NATD1: variants seen among roughly 807,000 people sequenced by gnomAD.
NATD1 encodes the protein N-acetyltransferase domain containing 1, also known as protein NATD1.
A neutral mutation model predicts 12.0 loss-of-function variants in NATD1; 9 were observed. The ratio of observed to expected loss-of-function variants is 0.75; its 90% CI spans 0.45 to 1.30. The LOEUF (loss-of-function observed/expected upper bound fraction) is 1.30, where lower values mean the gene tolerates loss of function less well. Ranked by LOEUF, NATD1 falls within the 50% of genes most tolerant of loss-of-function variation. The pLI is 0.00. For synonymous variants in NATD1, 71 were observed against 65.9 expected (o/e 1.08, Z -0.37); for missense variants, 148 against 148.5 (o/e 1.00, Z 0.02).
At chr17:21,251,213 G>T (rs543431938) in intron 1 of NATD1, among the ~76,000 whole-genome samples, 1 of 151,490 alleles carries the variant, frequency 6.6e-6, no homozygotes, top group South Asian at 2.1e-4. Flanking sequence ...TAGAAATACG[G>T]CTGGGCATGT....
intron 1 of NATD1, among the ~76,000 whole-genome samples, chr17:21,250,354 C>T (rs1975363826): frequency 6.6e-6 from 1 of 152,194 alleles, no homozygotes; most frequent in Non-Finnish European, 1.5e-5. Flanking sequence ...CAGGGAGGGG[C>T]CTTCCTAGAC....
chr17:21,251,388 G>C (rs1324527448), intron 1 of NATD1, among the ~76,000 whole-genome samples: 1 of 151,894 alleles, frequency 6.6e-6, no homozygotes, highest in Non-Finnish European at 1.5e-5. Context: ...AGGCCGCTCT[G>C]GAACCTCAGA....
rs759173703 is a variant in NATD1 at position 21,244,083 on chromosome 17, GC to G, written c.225+22del. 3.1e-6 allele frequency: 5 copies of G among 1,598,016 alleles called. No homozygotes were observed. The highest frequency in any genetic ancestry group is 4.3e-6 in the Non-Finnish European group (5 of 1,170,476). ...GCCCCCATGTCCCCGTCCCCGCTTG[GC>G]CCTGCCACCTGCCTGCCCTACCTTG... On this transcript the variant is annotated intron_variant, in intron 2 of 2. Coordinates refer to ENST00000611551, the MANE Select transcript of NATD1 (RefSeq NM_152914.3). The surrounding 1 kb of genome is among the most constrained non-coding windows in gnomAD (Gnocchi z 5.2).
At chr17:21,252,672 C>T (rs1191406253) in intron 1 of NATD1, among the ~76,000 whole-genome samples, 2 of 152,058 alleles carry the variant, frequency 1.3e-5, no homozygotes, top group African/African-American at 2.4e-5. Flanking sequence ...ACTAAGATTC[C>T]CAGGGGCAGC....
chr17:21,252,710 G>A (rs937128437), intron 1 of NATD1, among the ~76,000 whole-genome samples: 21 of 152,106 alleles, frequency 1.4e-4, no homozygotes, highest in Non-Finnish European at 1.5e-5. Flanking sequence ...CCGCAGAAGG[G>A]GACAGGTCAC....
rs1347531526 is a variant in NATD1, at chr17:21,242,607, C to G, written c.*706G>C. ...GCCTTGGTTTCCTGCAGAACCTACA[C>G]GAGAGGCCAAAAAAAAGATGGGGGT... is the stretch of plus-strand genomic sequence containing the variant. On this transcript the variant is annotated 3_prime_UTR_variant, in exon 3 of 3. Coordinates refer to ENST00000611551, the MANE Select transcript of NATD1 (RefSeq NM_152914.3). 1 of 152,644 alleles carries G rather than the reference C, an allele frequency of 6.6e-6. No individual in the cohort carries two copies. The highest frequency in any genetic ancestry group is 2.1e-4 in the South Asian group (1 of 4,844). 9.5% of individuals were successfully genotyped at this position (152,644 alleles called of 1,614,324 possible).
intron 1 of NATD1, among the ~76,000 whole-genome samples, chr17:21,252,207 AG>A (rs1474043956): frequency 5.3e-5 from 8 of 152,036 alleles, no homozygotes; most frequent in Non-Finnish European, 1.0e-4. Flanking sequence ...CCTGAGGCTG[AG>A]GCAGGAGAAT....
Position 21,253,253 on chromosome 17 carries a change from C to T in NATD1, c.12G>A (p.Ser4=), listed in dbSNP as rs1230399141. The change falls in exon 1 of 3, where the codon TCG becomes TCA. Residue 4 remains serine, a synonymous_variant. Coordinates refer to ENST00000611551, the MANE Select transcript of NATD1 (RefSeq NM_152914.3). Reference sequence around the variant, plus strand: ...GCGCGCCCAGCGGCACGGCGGCAGCCGAGTGCGCCATCTGCGCGCGGGGCT... The same window carrying T: ...GCGCGCCCAGCGGCACGGCGGCAGCTGAGTGCGCCATCTGCGCGCGGGGCT... MAH[S]AAAVPLGALE... The T allele has an allele frequency of 8.0e-6, 8 of 995,946 alleles. No individual in the cohort carries two copies. Among genetic ancestry groups the T allele is most frequent in the Non-Finnish European group, 8.3e-6 (7 of 838,416 alleles). The allele number at this position is 995,946 out of a possible 1,614,324, so 61.7% of individuals were successfully genotyped here. A position where few individuals can be genotyped will look rare whatever the true frequency, so the allele number is the denominator to read the frequency against.
At chr17:21,248,762 A>G (rs565211706) in intron 1 of NATD1, among the ~76,000 whole-genome samples, 4 of 152,270 alleles carry the variant, frequency 2.6e-5, no homozygotes, top group South Asian at 2.1e-4. Flanking sequence ...CAGGGGGGCA[A>G]GACTTGTCAC....
intron 1 of NATD1, among the ~76,000 whole-genome samples, chr17:21,249,582 ACTCT>A (rs1344941385): frequency 6.6e-6 from 1 of 151,932 alleles, no homozygotes; most frequent in East Asian, 1.9e-4. Flanking sequence ...GCAGCAGCTG[ACTCT>A]CTGGGGCCTC....
intron 1 of NATD1, among the ~76,000 whole-genome samples, chr17:21,247,975 T>A (rs1379714013): frequency 6.6e-6 from 1 of 151,040 alleles, no homozygotes; most frequent in Non-Finnish European, 1.5e-5. Context: ...GTGTATGGAG[T>A]TGACTGGGGA....
chr17:21,250,894 C>T (rs777013101), intron 1 of NATD1, among the ~76,000 whole-genome samples: 1 of 152,220 alleles, frequency 6.6e-6, no homozygotes, highest in African/African-American at 2.4e-5. Context: ...GTGTTTATAT[C>T]TCTCAGTGGG....
At chr17:21,251,358 C>T (rs918168494) in intron 1 of NATD1, among the ~76,000 whole-genome samples, 6 of 152,106 alleles carry the variant, frequency 3.9e-5, no homozygotes, top group Admixed American at 3.3e-4. Context: ...ATGGCCCTCC[C>T]GAGCCCACAA....
At chr17:21,245,183 C>G (rs1975314809) in intron 1 of NATD1, among the ~76,000 whole-genome samples, 1 of 151,940 alleles carries the variant, frequency 6.6e-6, no homozygotes, top group Non-Finnish European at 1.5e-5. Context: ...ACAGCCAGTG[C>G]AAAGGCTCTG....
At position 21,242,977 on chromosome 17, in the gene NATD1, T is replaced by G. The variant is rs1375832026; in HGVS notation, c.*336A>C. On this transcript the variant is annotated 3_prime_UTR_variant, in exon 3 of 3. Transcript: ENST00000611551. ...AGAGGTGGCAGCAGGGGTCCCACACTGGCCCTCCTGCTGATCTCCAAGTGG... is the reference window on the plus strand; with the variant it reads ...AGAGGTGGCAGCAGGGGTCCCACACGGGCCCTCCTGCTGATCTCCAAGTGG... 9.0e-6 allele frequency: 2 copies of G among 223,430 alleles called. No individual in the cohort carries two copies. The allele number at this position is 223,430 out of a possible 1,614,324, so 13.8% of individuals were successfully genotyped here. A position where few individuals can be genotyped will look rare whatever the true frequency, so the allele number is the denominator to read the frequency against.
In NATD1 at chr17:21,239,239, C is replaced by G. The variant is rs1975241011; in HGVS notation, c.*4074G>C. 1 of 152,222 alleles carries G rather than the reference C, an allele frequency of 6.6e-6. No individual in the cohort carries two copies. Among genetic ancestry groups the G allele is most frequent in the African/African-American group, 2.4e-5 (1 of 41,440 alleles). 9.4% of individuals were successfully genotyped at this position (152,222 alleles called of 1,614,324 possible). A position where few individuals can be genotyped will look rare whatever the true frequency, so the allele number is the denominator to read the frequency against. The stretch of plus-strand genomic sequence containing the variant: ...TCACCTTATGGCTCGAGGCAGGACC[C>G]CCCCGCAGCCTTGCAGCTGAGTGGG... On this transcript the variant is annotated 3_prime_UTR_variant, in exon 3 of 3. Transcript: ENST00000611551.
In NATD1 at chr17:21,239,833, G is replaced by T. The variant is rs1975250123; in HGVS notation, c.*3480C>A. The T allele has an allele frequency of 6.6e-6, 1 of 152,238 alleles. No individual in the cohort carries two copies. The highest frequency in any genetic ancestry group is 2.1e-4 in the South Asian group (1 of 4,836). 9.4% of individuals were successfully genotyped at this position (152,238 alleles called of 1,614,324 possible). A position where few individuals can be genotyped will look rare whatever the true frequency, so the allele number is the denominator to read the frequency against. ...GGCCTGGCAATTTATCTTTCATTCT[G>T]AGTAGCCATGTAACCCCTAGTGGTA... On this transcript the variant is annotated 3_prime_UTR_variant, in exon 3 of 3. Transcript: ENST00000611551.
In NATD1 at chr17:21,242,879, C is replaced by G. The variant is rs903205075; in HGVS notation, c.*434G>C. 6.4e-6 allele frequency: 1 copy of G among 157,388 alleles called. No individual in the cohort carries two copies. The highest frequency in any genetic ancestry group is 2.4e-5 in the African/African-American group (1 of 41,598). 9.7% of individuals were successfully genotyped at this position (157,388 alleles called of 1,614,324 possible). ...GCACTGCCACCCTCAGAAGCTGGCACACGAGGTTTCTTATTGCTCCTCTTG... is the reference window on the plus strand; with the variant it reads ...GCACTGCCACCCTCAGAAGCTGGCAGACGAGGTTTCTTATTGCTCCTCTTG... On this transcript the variant is annotated 3_prime_UTR_variant, in exon 3 of 3. Transcript: ENST00000611551.
At chr17:21,245,930 G>C (rs997213375) in intron 1 of NATD1, among the ~76,000 whole-genome samples, 9 of 152,244 alleles carry the variant, frequency 5.9e-5, no homozygotes, top group Non-Finnish European at 7.3e-5. Flanking sequence ...ACTGCCGCCT[G>C]TCCTGGCTGC....
Sources: gnomAD v4.1 joint callset for allele counts (sites outside exome capture counted in the v4.1 genomes callset) on GRCh38, gnomAD v4.1.1 for gene constraint, Gnocchi (gnomAD v3.1) non-coding constraint, MANE v1.5 for transcripts, NCBI Gene and HGNC (gene_info 2026-07-23, HGNC 2026-07-21) for gene names.